The following RNF168 variants were observed in gnomAD, a reference collection of about 807,000 sequenced individuals.
RNF168 encodes E3 ubiquitin-protein ligase RNF168.
Under a neutral mutation model 34.9 loss-of-function variants are expected in RNF168, and 34 were observed. The ratio of observed to expected loss-of-function variants is 0.97; its 90% confidence interval spans 0.74 to 1.30. RNF168 has a LOEUF of 1.30. Ranked by LOEUF, RNF168 falls within the 50% of genes most tolerant of loss-of-function variation. The pLI is 0.00. For synonymous variants in RNF168, 264 were observed against 254.7 expected, an observed-to-expected ratio of 1.04 and a Z score of -0.35; for missense variants, 725 against 682.5, an observed-to-expected ratio of 1.06 and a Z score of -0.69.
intron 4 of RNF168, among the ~76,000 whole-genome samples, chr3:196,476,318 G>A (rs1404335361): frequency 1.3e-5 from 2 of 152,004 alleles, no homozygotes; most frequent in Non-Finnish European, 1.5e-5. Flanking sequence ...GGCTGTTCAC[G>A]ACATTTTAAA....
In RNF168 at chr3:196,496,094, A is replaced by G. The variant is rs181135055; in HGVS notation, c.301+6779T>C. 1.3e-4 allele frequency among the ~76,000 whole-genome samples: 20 copies of G among 152,354 alleles called. No individual in the cohort carries two copies. In the East Asian group the frequency reaches 3.7e-3, roughly 28 times the overall value. On this transcript the variant is annotated intron_variant, in intron 1 of 5. Transcript: ENST00000318037. ...AACACCAATTATATTTTTATAAATT[A>G]TCAATGAACAATACTGAAAATTTTT...
chr3:196,500,847 G>A (rs1029939374), intron 1 of RNF168, among the ~76,000 whole-genome samples: 1 of 151,714 alleles, frequency 6.6e-6, no homozygotes, highest in Admixed American at 6.6e-5. Context: ...GAGTAGCTGG[G>A]ACTACAGGCG....
chr3:196,492,923 A>G (rs9858020), intron 1 of RNF168, among the ~76,000 whole-genome samples: 53,037 of 151,692 alleles, frequency 0.35, 10,369 homozygotes, highest in East Asian at 0.82. Flanking sequence ...AATCAAGGGC[A>G]GGGGGAGTTA....
intron 1 of RNF168, among the ~76,000 whole-genome samples, chr3:196,489,908 G>A (rs1055145265): frequency 4.6e-5 from 7 of 152,138 alleles, no homozygotes; most frequent in African/African-American, 1.7e-4. Context: ...GTGCACACAC[G>A]CATATTTCTT....
At chr3:196,495,499 T>C (rs1732720390) in intron 1 of RNF168, among the ~76,000 whole-genome samples, 2 of 152,212 alleles carry the variant, frequency 1.3e-5, no homozygotes, top group Admixed American at 1.3e-4. Flanking sequence ...TTCATGACAC[T>C]GACATTTTTG....
chr3:196,493,831 C>T (rs957883084), intron 1 of RNF168, among the ~76,000 whole-genome samples: 2 of 150,464 alleles, frequency 1.3e-5, no homozygotes, highest in Non-Finnish European at 3.0e-5. Flanking sequence ...CTTCCATTTG[C>T]TATTTCTTTC....
At position 196,469,810 on chromosome 3, in the gene RNF168, C is replaced by T. The variant is rs1463137759; in HGVS notation, c.*2009G>A. The T allele has an allele frequency of 6.6e-6, 1 of 152,204 alleles. No homozygotes were observed. The highest frequency in any genetic ancestry group is 2.4e-5 in the African/African-American group (1 of 41,462). The allele number at this position is 152,204 out of a possible 1,614,324, so 9.4% of individuals were successfully genotyped here. On this transcript the variant is annotated 3_prime_UTR_variant, in exon 6 of 6. Coordinates refer to ENST00000318037, the MANE Select transcript of RNF168 (RefSeq NM_152617.4). ...ACACGTGGTTATGTTTCAGGTTCCA[C>T]AACATAAGACACTGTGAGGTAACTC...
chr3:196,481,477 T>C (rs1307208154), intron 4 of RNF168, among the ~76,000 whole-genome samples: 2 of 152,168 alleles, frequency 1.3e-5, no homozygotes, highest in East Asian at 1.9e-4. Context: ...TGTTCCACTA[T>C]GAAGTATGAT....
Position 196,503,148 on chromosome 3 carries a change from G to T in RNF168, c.26C>A (p.Pro9His), listed in dbSNP as rs1732945375. The T allele has an allele frequency of 5.0e-6, 8 of 1,614,184 alleles. No homozygotes were observed. Among genetic ancestry groups the T allele is most frequent in the Non-Finnish European group, 6.8e-6 (8 of 1,180,014 alleles). Residue 9 changes from proline (P) to histidine (H), a missense_variant, in exon 1 of 6, where the codon CCC becomes CAC. Physicochemically the swap from Pro to His is moderately conservative, Grantham distance 77. Transcript: ENST00000318037. Reference sequence around the variant, plus strand: ...CCCGCACTGGCACTCGGACAGCGAGGGGATGGCGTCTTTGGGTAGAGCCAT... The same window carrying T: ...CCCGCACTGGCACTCGGACAGCGAGTGGATGGCGTCTTTGGGTAGAGCCAT... MALPKDAI[P>H]SLSECQCGIC...
At chr3:196,501,240 G>T (rs544607465) in intron 1 of RNF168, among the ~76,000 whole-genome samples, 1 of 152,138 alleles carries the variant, frequency 6.6e-6, no homozygotes, top group Admixed American at 6.5e-5. Flanking sequence ...ATAGACAAAA[G>T]AACTGAACAC....
Position 196,474,728 on chromosome 3 carries a change from G to A in RNF168, c.762+503C>T, listed in dbSNP as rs111647979. The A allele has an allele frequency of 9.3e-3, 1,511 of 162,844 alleles. 13 individuals are homozygous for A. Among genetic ancestry groups the A allele is most frequent in the Middle Eastern group, 0.02 (6 of 306 alleles). 10.1% of individuals were successfully genotyped at this position (162,844 alleles called of 1,614,324 possible). On this transcript the variant is annotated intron_variant, in intron 5 of 5. Coordinates refer to ENST00000318037, the MANE Select transcript of RNF168 (RefSeq NM_152617.4). ...CTCCCAAAGTGCTGGGATTACAGGC[G>A]TGAGCCACCGCATTCAGCTCCATCT...
intron 1 of RNF168, among the ~76,000 whole-genome samples, chr3:196,493,969 G>C (rs1315443080): frequency 6.7e-6 from 1 of 150,010 alleles, no homozygotes; most frequent in Non-Finnish European, 1.5e-5. Flanking sequence ...GCTACTGCCT[G>C]AGCCTCCCAT....
chr3:196,475,699 C>T (rs1273720075), intron 4 of RNF168, among the ~76,000 whole-genome samples: 1 of 151,186 alleles, frequency 6.6e-6, no homozygotes, highest in African/African-American at 2.4e-5. Flanking sequence ...TACAGGCGCC[C>T]ACCACCACGC....
intron 1 of RNF168, among the ~76,000 whole-genome samples, chr3:196,498,428 C>A (rs924977916): frequency 6.6e-6 from 1 of 152,094 alleles, no homozygotes; most frequent in Non-Finnish European, 1.5e-5. Flanking sequence ...GCGTGAGCCA[C>A]CATGCCTGGC....
intron 4 of RNF168, among the ~76,000 whole-genome samples, chr3:196,478,044 A>C (rs1430868380): frequency 6.6e-6 from 1 of 152,252 alleles, no homozygotes; most frequent in Non-Finnish European, 1.5e-5. Flanking sequence ...TTTTCTTGCC[A>C]CTGTGGCCTG....
chr3:196,500,394 C>T (rs1183407987), intron 1 of RNF168, among the ~76,000 whole-genome samples: 1 of 152,106 alleles, frequency 6.6e-6, no homozygotes, highest in African/African-American at 2.4e-5. Context: ...GTAAAACAGG[C>T]CAGACACAAA....
rs1043878385 is a variant in RNF168, at chr3:196,487,399, A to G, written c.558T>C (p.Ile186=). ...EELARKLSID[I]NNFCEGSISA... is the part of the protein sequence containing the mutation. ...CTTAGCGTTCCCTCCTAAAACTTAC[A>G]ATATCAATGCTTAGCTTTCTTGCCA... Residue 186 remains isoleucine (I), a splice_region_variant and synonymous_variant, in exon 3 of 6, where the codon ATT becomes ATC. Coordinates refer to ENST00000318037, the MANE Select transcript of RNF168 (RefSeq NM_152617.4). The G allele has an allele frequency of 6.2e-7, 1 of 1,613,494 alleles. No individual in the cohort carries two copies. Among genetic ancestry groups the G allele is most frequent in the Non-Finnish European group, 8.5e-7 (1 of 1,179,434 alleles).
rs745475922 is a variant in RNF168, at chr3:196,488,702, G to T, written c.302-19C>A. On this transcript the variant is annotated intron_variant, in intron 1 of 5. Coordinates refer to ENST00000318037, the MANE Select transcript of RNF168 (RefSeq NM_152617.4). ...TCATCAGCTATTTCATATCAAAAAAGAAAATAACATTATAGGCAACACAAT... is the reference window on the plus strand; with the variant it reads ...TCATCAGCTATTTCATATCAAAAAATAAAATAACATTATAGGCAACACAAT... The T allele has an allele frequency of 2.0e-6, 3 of 1,525,722 alleles. No individual in the cohort carries two copies. The highest frequency in any genetic ancestry group is 2.7e-6 in the Non-Finnish European group (3 of 1,100,926). The allele number at this position is 1,525,722 out of a possible 1,614,324, so 94.5% of individuals were successfully genotyped here. A position where few individuals can be genotyped will look rare whatever the true frequency, so the allele number is the denominator to read the frequency against.
intron 5 of RNF168, among the ~76,000 whole-genome samples, chr3:196,473,579 G>T (rs907443702): frequency 6.6e-6 from 1 of 152,178 alleles, no homozygotes; most frequent in Non-Finnish European, 1.5e-5. Context: ...ACATGGCTGG[G>T]CACGGTGGCT....
Sources: gnomAD v4.1 joint callset for allele counts (sites outside exome capture counted in the v4.1 genomes callset) on GRCh38, gnomAD v4.1.1 for gene constraint, MANE v1.5 for transcripts, NCBI Gene and HGNC (gene_info 2026-07-23, HGNC 2026-07-21) for gene names.